TRAPPC8: variants seen among roughly 807,000 people sequenced by gnomAD.
TRAPPC8 encodes general sporulation gene 1 homolog.
In TRAPPC8, 54 loss-of-function variants were observed where a neutral mutation model predicts 174.3. The observed-to-expected ratio is 0.31, with a 90% CI of 0.25 to 0.39. The LOEUF is 0.39. TRAPPC8 is among the 10% of genes least tolerant of loss of function. TRAPPC8 has a pLI of 1.00. For missense variants in TRAPPC8, 1,531 were observed against 1,699.1 expected (o/e 0.90, Z 1.74); for synonymous variants, 630 against 579.9 (o/e 1.09, Z -1.24).
chr18:31,929,743 A>T (rs1273621516), intron 2 of TRAPPC8, among the ~76,000 whole-genome samples: 1 of 152,206 alleles, frequency 6.6e-6, no homozygotes, highest in Non-Finnish European at 1.5e-5. Flanking sequence ...TGACTATGGT[A>T]GTACAAAAAC....
chr18:31,942,769 G>T lies in TRAPPC8; in HGVS notation c.-5C>A. On this transcript the variant is annotated 5_prime_UTR_variant, in exon 1 of 29. Coordinates refer to ENST00000283351, the MANE Select transcript of TRAPPC8 (RefSeq NM_014939.5). ...TGATTGTACACACTGGGCCATCGCC[G>T]CAGCACAGGCAGCGGCGGCGCCCGC... The T allele has an allele frequency of 7.0e-7, 1 of 1,433,448 alleles. No individual in the cohort carries two copies. Among genetic ancestry groups the T allele is most frequent in the Admixed American group, 2.7e-5 (1 of 37,078 alleles). 88.8% of individuals were successfully genotyped at this position (1,433,448 alleles called of 1,614,324 possible).
At chr18:31,924,952 G>GA (rs1176556558) in intron 2 of TRAPPC8, among the ~76,000 whole-genome samples, 8 of 151,092 alleles carry the variant, frequency 5.3e-5, no homozygotes, top group East Asian at 1.9e-4. Context: ...CACTTTAATA[G>GA]AAAAAAAAGG....
At chr18:31,871,814 C>G (rs2034876203) in intron 14 of TRAPPC8, among the ~76,000 whole-genome samples, 1 of 151,840 alleles carries the variant, frequency 6.6e-6, no homozygotes, top group Admixed American at 6.6e-5. Flanking sequence ...CTATTTCTTT[C>G]ACTCTTTTGC....
intron 18 of TRAPPC8, among the ~76,000 whole-genome samples, chr18:31,865,393 T>C (rs948283650): frequency 1.3e-5 from 2 of 152,052 alleles, no homozygotes; most frequent in Admixed American, 6.6e-5. Context: ...ACAACTATCT[T>C]TCTTGCAGGA....
intron 1 of TRAPPC8, among the ~76,000 whole-genome samples, chr18:31,940,907 A>T (rs1348080557): frequency 6.6e-5 from 10 of 152,234 alleles, no homozygotes; most frequent in Admixed American, 6.5e-4. Context: ...ATGATTAAGA[A>T]CACAATGTCT....
intron 9 of TRAPPC8, among the ~76,000 whole-genome samples, chr18:31,906,501 T>TA (rs891612695): frequency 4.0e-5 from 6 of 151,570 alleles, no homozygotes; most frequent in Non-Finnish European, 7.4e-5. Flanking sequence ...ATTTTCTAGC[T>TA]AAAAAAAAGT....
intron 2 of TRAPPC8, among the ~76,000 whole-genome samples, chr18:31,925,448 A>G (rs1311693242): frequency 6.6e-6 from 1 of 152,182 alleles, no homozygotes; most frequent in Admixed American, 6.6e-5. Flanking sequence ...AAAGTCAAGG[A>G]TATTCACACC....
At chr18:31,872,781 ATAAAG>A (rs1413325043) in intron 14 of TRAPPC8, among the ~76,000 whole-genome samples, 3 of 152,180 alleles carry the variant, frequency 2.0e-5, no homozygotes, top group South Asian at 2.1e-4. Flanking sequence ...GGATGTTAAA[ATAAAG>A]TACTTTATAA....
chr18:31,875,236 T>G (rs1244714632), intron 12 of TRAPPC8, among the ~76,000 whole-genome samples: 2 of 151,770 alleles, frequency 1.3e-5, no homozygotes, highest in Non-Finnish European at 2.9e-5. Context: ...TTATCAAAGT[T>G]TTTTCTTGCC....
intron 12 of TRAPPC8, among the ~76,000 whole-genome samples, chr18:31,889,903 A>T (rs1010128781): frequency 6.6e-6 from 1 of 152,188 alleles, no homozygotes; most frequent in Non-Finnish European, 1.5e-5. Context: ...ACATTGTGTA[A>T]AACACTGGGA....
At chr18:31,902,312 C>T (rs1051076581) in intron 9 of TRAPPC8, among the ~76,000 whole-genome samples, 1 of 152,152 alleles carries the variant, frequency 6.6e-6, no homozygotes, top group Non-Finnish European at 1.5e-5. Context: ...GCCTGGGCAA[C>T]AGAGTGAGAT....
chr18:31,876,441 G>A (rs2053065685), intron 12 of TRAPPC8, among the ~76,000 whole-genome samples: 1 of 128,502 alleles, frequency 7.8e-6, no homozygotes, highest in Admixed American at 9.2e-5. Context: ...AGTAAGCCAA[G>A]ATTGTGCCAC....
At chr18:31,900,857 G>GAA (rs562971718) in intron 10 of TRAPPC8, 68 bp downstream of exon 10, 2,207 of 985,108 alleles carry the variant, frequency 2.2e-3, no homozygotes, top group South Asian at 4.8e-3. Context: ...TAGGAATGGG[G>GAA]AAAAAAAAAA....
chr18:31,881,295 C>T (rs1480764060), intron 12 of TRAPPC8, among the ~76,000 whole-genome samples: 1 of 152,008 alleles, frequency 6.6e-6, no homozygotes, highest in Non-Finnish European at 1.5e-5. Context: ...AAAATAGACA[C>T]ATGAACAATG....
chr18:31,858,559 A>C (rs769970650), intron 19 of TRAPPC8, among the ~76,000 whole-genome samples: 1 of 152,230 alleles, frequency 6.6e-6, no homozygotes, highest in African/African-American at 2.4e-5. Context: ...TTTCCCATTT[A>C]GTGTGATATT....
At chr18:31,941,562 A>G (rs966913288) in intron 1 of TRAPPC8, among the ~76,000 whole-genome samples, 7 of 152,230 alleles carry the variant, frequency 4.6e-5, no homozygotes, top group African/African-American at 1.7e-4. Context: ...AGAAAATCCA[A>G]AAGTTTCCAA....
intron 26 of TRAPPC8, among the ~76,000 whole-genome samples, chr18:31,845,629 A>G (rs900706352): frequency 2.0e-5 from 3 of 152,208 alleles, no homozygotes; most frequent in African/African-American, 7.2e-5. Context: ...CAAAGCAAAT[A>G]ATGCAAAATG....
intron 18 of TRAPPC8, 30 bp from the exon 19 acceptor site, chr18:31,864,811 A>T: frequency 6.3e-7 from 1 of 1,578,382 alleles, no homozygotes. Context: ...ATGCCCTAAA[A>T]TAATTTGGTA....
chr18:31,914,527 A>G, intron 4 of TRAPPC8, among the ~76,000 whole-genome samples: 1 of 152,234 alleles, frequency 6.6e-6, no homozygotes, highest in East Asian at 1.9e-4. Context: ...TTCTATTAAT[A>G]TAGTAGTACA....
Sources: gnomAD v4.1 joint callset for allele counts (sites outside exome capture counted in the v4.1 genomes callset) on GRCh38, gnomAD v4.1.1 for gene constraint, MANE v1.5 for transcripts, NCBI Gene and HGNC (gene_info 2026-07-23, HGNC 2026-07-21) for gene names.